The following EDEM1 variants were observed in gnomAD, a reference collection of about 807,000 sequenced individuals.
The protein encoded by EDEM1 is ER degradation-enhancing alpha-mannosidase-like protein 1.
EDEM1 carries 67 observed loss-of-function variants against 74.4 expected under a neutral mutation model. The observed-to-expected ratio is 0.90, with a 90% CI of 0.74 to 1.10. The LOEUF (loss-of-function observed/expected upper bound fraction) is 1.10. Among genes scored for constraint, EDEM1 ranks in the 50% least tolerant of loss-of-function variants. The pLI, the probability that EDEM1 is intolerant of heterozygous loss-of-function variation, is 0.00. For synonymous variants in EDEM1, 382 were observed against 335.9 expected, an observed-to-expected ratio of 1.14 and a Z score of -1.50; for missense variants, 926 against 851.6, an observed-to-expected ratio of 1.09 and a Z score of -1.09.
chr3:5,213,054 A>G (rs77399377), intron 10 of EDEM1, among the ~76,000 whole-genome samples: 5,562 of 152,258 alleles, frequency 0.037, 333 homozygotes, highest in African/African-American at 0.13. Context: ...CCTTAGTTTC[A>G]GAATTTCTGA....
rs2106615711 is a variant in EDEM1 at position 5,218,309 on chromosome 3, GC to G, written c.*2392del. The G allele has an allele frequency of 6.6e-6, 1 of 152,024 alleles. No homozygotes were observed. The highest frequency in any genetic ancestry group is 1.5e-5 in the Non-Finnish European group (1 of 68,032). 9.4% of individuals were successfully genotyped at this position (152,024 alleles called of 1,614,324 possible). A position where few individuals can be genotyped will look rare whatever the true frequency, so the allele number is the denominator to read the frequency against. ...TGCTATGTAGTCAGTGGTTTGTGGG[GC>G]TGGATGCCAGAAGGTTCTTTGAGCC... On this transcript the variant is annotated 3_prime_UTR_variant, in exon 12 of 12. Transcript: ENST00000256497.
chr3:5,188,397 G>C (rs2054856408), intron 1 of EDEM1, 83 bp downstream of exon 1: 2 of 1,307,400 alleles, frequency 1.5e-6, no homozygotes, highest in African/African-American at 3.1e-5. Flanking sequence ...TCTGTCCTCC[G>C]GGGCCCCCGA....
At position 5,213,503 on chromosome 3, in the gene EDEM1, T is replaced by C. The variant is rs758396347; in HGVS notation, c.1865T>C (p.Val622Ala). The change falls in exon 11 of 12, where the codon GTC (valine) becomes GCC (alanine). Residue 622 changes from valine to alanine, a missense_variant. Transcript: ENST00000256497. ...AGGCCGAAACCTCATGAGTTAAAAG[T>C]CATCAACTCCAGCTCCAACGTGAGT... The part of the protein sequence containing the change: ...VHRPKPHELK[V>A]INSSSNCNRV... The C allele has an allele frequency of 6.2e-6, 10 of 1,610,702 alleles. No homozygotes were observed. Among genetic ancestry groups the C allele is most frequent in the East Asian group, 2.2e-5 (1 of 44,786 alleles).
At chr3:5,196,516 TTA>T (rs1275010379) in intron 2 of EDEM1, among the ~76,000 whole-genome samples, 3 of 152,016 alleles carry the variant, frequency 2.0e-5, no homozygotes, top group Non-Finnish European at 4.4e-5. Context: ...CAAGTTTGCA[TTA>T]TGATTGTCTA....
At chr3:5,192,369 A>G (rs1247446765) in intron 1 of EDEM1, among the ~76,000 whole-genome samples, 4 of 152,238 alleles carry the variant, frequency 2.6e-5, no homozygotes, top group African/African-American at 7.2e-5. Context: ...TTAAGTATAC[A>G]TGGGAATTTA....
At chr3:5,210,709 T>C (rs2055157500) in intron 9 of EDEM1, among the ~76,000 whole-genome samples, 1 of 151,126 alleles carries the variant, frequency 6.6e-6, no homozygotes, top group Non-Finnish European at 1.5e-5. Flanking sequence ...TTTTACCTGC[T>C]GTAAGTTTTT....
chr3:5,204,367 C>A (rs2055070139), intron 5 of EDEM1, among the ~76,000 whole-genome samples: 1 of 151,178 alleles, frequency 6.6e-6, no homozygotes, highest in African/African-American at 2.4e-5. Flanking sequence ...TTATCTTTTC[C>A]CTTTTCTTTT....
In EDEM1 at chr3:5,193,115, G is replaced by A. The variant is rs564898130; in HGVS notation, c.510-2094G>A. On this transcript the variant is annotated intron_variant, in intron 1 of 11. Coordinates refer to ENST00000256497, the MANE Select transcript of EDEM1 (RefSeq NM_014674.3). ...GCAGGTGGATAGAATGACACATGCC[G>A]CAGATCTGGGTGTGACTCAGGAGAG... 7.2e-5 allele frequency among the ~76,000 whole-genome samples: 11 copies of A among 152,236 alleles called. No homozygotes were observed. The South Asian group carries it at 1.2e-3, about 17-fold the overall frequency.
At chr3:5,199,182 A>C (rs113729045) in intron 2 of EDEM1, among the ~76,000 whole-genome samples, 286 of 152,298 alleles carry the variant, frequency 1.9e-3, no homozygotes, top group African/African-American at 6.6e-3. Flanking sequence ...CAAGCTGCTG[A>C]TTTATTTGAG....
chr3:5,213,592 C>T (rs533091769), intron 11 of EDEM1, 70 bp downstream of exon 11: 6 of 1,436,932 alleles, frequency 4.2e-6, no homozygotes, highest in African/African-American at 1.4e-5. Flanking sequence ...CTTAGTTGTT[C>T]AGACTTCCTG....
intron 5 of EDEM1, 92 bp from the exon 6 acceptor site, chr3:5,204,975 G>A: frequency 7.2e-7 from 1 of 1,388,704 alleles, no homozygotes; most frequent in Non-Finnish European, 9.9e-7. Context: ...AAGGTGCTGA[G>A]GAGCAGTGTG....
intron 1 of EDEM1, 123 bp downstream of exon 1, chr3:5,188,437 G>T (rs1438290438): frequency 2.7e-6 from 3 of 1,123,490 alleles, no homozygotes; most frequent in Non-Finnish European, 3.4e-6. Flanking sequence ...GTCCCGGGCA[G>T]CGCTCCCGCG....
intron 1 of EDEM1, 154 bp from the exon 2 acceptor site, chr3:5,195,055 G>T: frequency 4.6e-6 from 2 of 434,508 alleles, no homozygotes; most frequent in African/African-American, 2.0e-5. Context: ...TGTTACTTTG[G>T]GGGTAGAAAG....
intron 10 of EDEM1, 81 bp downstream of exon 10, chr3:5,211,297 A>G (rs1208360248): frequency 2.2e-6 from 3 of 1,338,476 alleles, no homozygotes; most frequent in African/African-American, 1.4e-5. Context: ...TCTGACAGGT[A>G]CTTACTGGCT....
rs116046743 is a variant in EDEM1 at position 5,219,572 on chromosome 3, C to G, written c.*3654C>G. The G allele has an allele frequency of 1.3e-5, 2 of 152,342 alleles. No homozygotes were observed. The highest frequency in any genetic ancestry group is 2.4e-5 in the African/African-American group (1 of 41,578). 9.4% of individuals were successfully genotyped at this position (152,342 alleles called of 1,614,324 possible). A position where few individuals can be genotyped will look rare whatever the true frequency, so the allele number is the denominator to read the frequency against. ...CAAGTACCTGTGGAACTCCCTGATT[C>G]TATACCCTCTTCCTTCTTTCTGCAA... On this transcript the variant is annotated 3_prime_UTR_variant, in exon 12 of 12. Coordinates refer to ENST00000256497, the MANE Select transcript of EDEM1 (RefSeq NM_014674.3).
chr3:5,205,259 C>G lies in EDEM1; in HGVS notation c.1217+18C>G, dbSNP rs538459554. On this transcript the variant is annotated intron_variant, in intron 6 of 11. Transcript: ENST00000256497. ...AGAAGAGGGTATGTCTCCCTAACAT[C>G]TCCTCTGTTGCCTTGTAAAGCAAAT... The G allele has an allele frequency of 6.2e-7, 1 of 1,605,608 alleles. No homozygotes were observed. Among genetic ancestry groups the G allele is most frequent in the South Asian group, 1.1e-5 (1 of 90,206 alleles).
At chr3:5,203,920 A>G (rs2055064011) in intron 5 of EDEM1, among the ~76,000 whole-genome samples, 1 of 152,104 alleles carries the variant, frequency 6.6e-6, no homozygotes, top group Non-Finnish European at 1.5e-5. Context: ...TTATGTAGAG[A>G]CAGGGTCTCA....
chr3:5,188,022 C>T lies in EDEM1; in HGVS notation c.217C>T (p.Gln73Ter). 6.8e-7 allele frequency: 1 copy of T among 1,462,450 alleles called. No individual in the cohort carries two copies. The highest frequency in any genetic ancestry group is 2.8e-5 in the East Asian group (1 of 35,356). The allele number at this position is 1,462,450 out of a possible 1,614,324, so 90.6% of individuals were successfully genotyped here. A position where few individuals can be genotyped will look rare whatever the true frequency, so the allele number is the denominator to read the frequency against. ...GGGGGTATCCGGGCCGTCGTGGCTG[C>T]AGCCGCCGGGGACCGGGGCAGCGCA... ...PGGVSGPSWL[Q>*]PPGTGAAQSP... The change falls in exon 1 of 12, where the codon CAG becomes TAG. Residue 73 changes from glutamine to a stop codon, truncating the protein, a stop_gained. Coordinates refer to ENST00000256497, the MANE Select transcript of EDEM1 (RefSeq NM_014674.3). LOFTEE classifies it high-confidence loss of function.
Position 5,207,281 on chromosome 3 carries a change from G to A in EDEM1, c.1338+8G>A. On this transcript the variant is annotated splice_region_variant and intron_variant, in intron 7 of 11. Coordinates refer to ENST00000256497, the MANE Select transcript of EDEM1 (RefSeq NM_014674.3). Reference sequence around the variant, plus strand: ...TTTTTCCCTGGACTGCAGGTATTTTGCCATCAGATTTCCTAAGAATAACCA... The same window carrying A: ...TTTTTCCCTGGACTGCAGGTATTTTACCATCAGATTTCCTAAGAATAACCA... The A allele has an allele frequency of 3.1e-6, 5 of 1,613,202 alleles. No individual in the cohort carries two copies. The South Asian group carries it at 5.5e-5, about 18-fold the overall frequency.
Sources: gnomAD v4.1 joint callset for allele counts (sites outside exome capture counted in the v4.1 genomes callset) on GRCh38, gnomAD v4.1.1 for gene constraint, MANE v1.5 for transcripts, NCBI Gene and HGNC (gene_info 2026-07-23, HGNC 2026-07-21) for gene names.